ADAMTS12: variants seen among roughly 807,000 people sequenced by gnomAD.
ADAMTS12 encodes the protein A disintegrin and metalloproteinase with thrombospondin motifs 12.
In ADAMTS12, 118 loss-of-function variants were observed where a neutral mutation model predicts 167.8. The ratio of observed to expected loss-of-function variants is 0.70; its 90% CI spans 0.61 to 0.82. ADAMTS12 has a LOEUF of 0.82. Ranked by LOEUF, ADAMTS12 falls within the 40% of genes least tolerant of loss-of-function variation. The probability of loss-of-function intolerance (pLI) is 0.00; values close to 1 mark genes in which losing one functional copy is unlikely to be tolerated. For missense variants in ADAMTS12, 1,916 were observed against 1,998.8 expected, an observed-to-expected ratio of 0.96 and a Z score of 0.79; for synonymous variants, 704 against 716.9, an observed-to-expected ratio of 0.98 and a Z score of 0.29.
rs556556616 is a variant in ADAMTS12 at position 33,779,931 on chromosome 5, G to A, written c.490-28383C>T. 3.9e-4 allele frequency among the ~76,000 whole-genome samples: 59 copies of A among 152,274 alleles called. 1 individual carries two copies. The highest frequency in any genetic ancestry group is 1.3e-3 in the African/African-American group (56 of 41,558). ...AATAATAACTATAACAGTGACTATA[G>A]TTAATAATATTGTATTGTGCATTTG... On this transcript the variant is annotated intron_variant, in intron 2 of 23. Transcript: ENST00000504830.
intron 5 of ADAMTS12, among the ~76,000 whole-genome samples, chr5:33,669,456 T>A (rs1033225780): frequency 6.6e-6 from 1 of 152,162 alleles, no homozygotes; most frequent in Non-Finnish European, 1.5e-5. Flanking sequence ...AAGCATCATG[T>A]AGGATATGTC....
intron 11 of ADAMTS12, among the ~76,000 whole-genome samples, chr5:33,638,327 T>G (rs990345734): frequency 6.6e-6 from 1 of 152,226 alleles, no homozygotes; most frequent in Non-Finnish European, 1.5e-5. Flanking sequence ...TTTAGTTCCC[T>G]GTTTTAAAAT....
At chr5:33,546,831 C>T (rs977773082) in intron 21 of ADAMTS12, among the ~76,000 whole-genome samples, 2 of 152,152 alleles carry the variant, frequency 1.3e-5, no homozygotes, top group Non-Finnish European at 2.9e-5. Context: ...TAAAATAATT[C>T]ACCAAGAATG....
At chr5:33,856,079 A>T (rs1331568528) in intron 2 of ADAMTS12, among the ~76,000 whole-genome samples, 1 of 152,184 alleles carries the variant, frequency 6.6e-6, no homozygotes, top group African/African-American at 2.4e-5. Flanking sequence ...TCCAGCACAA[A>T]CAGTTCTTCA....
chr5:33,762,978 T>A (rs1013862339), intron 2 of ADAMTS12, among the ~76,000 whole-genome samples: 2 of 152,186 alleles, frequency 1.3e-5, no homozygotes, highest in African/African-American at 4.8e-5. Context: ...GCTGATCTTT[T>A]ATGCAGCCAG....
chr5:33,684,788 G>C (rs74654533), intron 3 of ADAMTS12, among the ~76,000 whole-genome samples: 2 of 152,312 alleles, frequency 1.3e-5, no homozygotes, highest in Middle Eastern at 3.4e-3. Context: ...TTTGGAAGAC[G>C]AAATCTAGGA....
intron 2 of ADAMTS12, among the ~76,000 whole-genome samples, chr5:33,852,070 C>A (rs1312980807): frequency 2.0e-5 from 3 of 152,180 alleles, no homozygotes; most frequent in Admixed American, 6.5e-5. Context: ...AACAGTTTAA[C>A]CTCCTGTGTT....
rs34067228 is a variant in ADAMTS12, at chr5:33,591,081, A to AGT, written c.2655-2274_2655-2273dup. On this transcript the variant is annotated intron_variant, in intron 17 of 23. Transcript: ENST00000504830. ...ATTTTATGTTTTATCTAAATGTCTA[A>AGT]GTGTGTGTGTGTGTGTGTGTGTGTA... is the stretch of plus-strand genomic sequence containing the variant. 6.8e-3 allele frequency among the ~76,000 whole-genome samples: 780 copies of AGT among 115,382 alleles called. 3 individuals are homozygous for AGT. The highest frequency in any genetic ancestry group is 0.017 in the African/African-American group (622 of 35,818). 75.7% of individuals were successfully genotyped at this position (115,382 alleles called of 152,430 possible). A position where few individuals can be genotyped will look rare whatever the true frequency, so the allele number is the denominator to read the frequency against.
chr5:33,763,348 G>A (rs1745421875), intron 2 of ADAMTS12, among the ~76,000 whole-genome samples: 1 of 152,182 alleles, frequency 6.6e-6, no homozygotes, highest in Non-Finnish European at 1.5e-5. Flanking sequence ...ACAGGGGCAA[G>A]AGGCTGGAGT....
chr5:33,692,359 GA>G (rs564009303), intron 3 of ADAMTS12, among the ~76,000 whole-genome samples: 1 of 152,314 alleles, frequency 6.6e-6, no homozygotes, highest in South Asian at 2.1e-4. Flanking sequence ...ATAGACAATA[GA>G]AGGAGCCTGG....
chr5:33,729,983 G>A (rs1446436607), intron 3 of ADAMTS12, among the ~76,000 whole-genome samples: 4 of 152,118 alleles, frequency 2.6e-5, no homozygotes, highest in Non-Finnish European at 5.9e-5. Flanking sequence ...TCTGTCTATG[G>A]GCAAAAGTTC....
intron 21 of ADAMTS12, among the ~76,000 whole-genome samples, chr5:33,547,955 C>A (rs1377598918): frequency 6.6e-6 from 1 of 152,090 alleles, no homozygotes; most frequent in African/African-American, 2.4e-5. Flanking sequence ...TTCATGTACT[C>A]AAGAACTAGG....
At chr5:33,634,803 A>G (rs1740112951) in intron 12 of ADAMTS12, among the ~76,000 whole-genome samples, 1 of 152,110 alleles carries the variant, frequency 6.6e-6, no homozygotes. Context: ...AGTAGAAATA[A>G]TTTTTTAAAA....
chr5:33,558,855 G>C (rs1745604736), intron 20 of ADAMTS12, among the ~76,000 whole-genome samples: 1 of 152,056 alleles, frequency 6.6e-6, no homozygotes, highest in Non-Finnish European at 1.5e-5. Context: ...GTCCTTTTCA[G>C]ATCCTGAGTT....
At chr5:33,696,847 T>G (rs913489724) in intron 3 of ADAMTS12, among the ~76,000 whole-genome samples, 2 of 152,264 alleles carry the variant, frequency 1.3e-5, no homozygotes, top group Non-Finnish European at 2.9e-5. Context: ...ACTTCTGCCC[T>G]CTTGAAGCTA....
At chr5:33,546,695 A>T (rs1039877980) in intron 21 of ADAMTS12, among the ~76,000 whole-genome samples, 2 of 152,244 alleles carry the variant, frequency 1.3e-5, no homozygotes, top group Non-Finnish European at 2.9e-5. Context: ...ACTCACAACA[A>T]AATAAATTCA....
At chr5:33,682,588 C>T (rs964083656) in intron 5 of ADAMTS12, among the ~76,000 whole-genome samples, 4 of 152,084 alleles carry the variant, frequency 2.6e-5, no homozygotes, top group African/African-American at 4.8e-5. Context: ...CAAAGGTAAA[C>T]GTGCAGATAG....
intron 2 of ADAMTS12, among the ~76,000 whole-genome samples, chr5:33,811,405 G>A (rs1747455604): frequency 6.6e-6 from 1 of 152,202 alleles, no homozygotes; most frequent in Non-Finnish European, 1.5e-5. Context: ...ACTTCAATTA[G>A]GATGGTCACA....
chr5:33,792,473 C>A (rs1333275433), intron 2 of ADAMTS12, among the ~76,000 whole-genome samples: 1 of 152,166 alleles, frequency 6.6e-6, no homozygotes, highest in Admixed American at 6.5e-5. Context: ...TTTCCTTGAC[C>A]TCGTGATAAT....
Sources: allele counts gnomAD v4.1 joint callset (sites outside exome capture counted in the v4.1 genomes callset), GRCh38; gene constraint gnomAD v4.1.1; transcripts MANE v1.5; gene names NCBI Gene and HGNC (gene_info 2026-07-23, HGNC 2026-07-21).